Variants in ANKRD62 observed in about 807,000 individuals in gnomAD.
ANKRD62 encodes the protein ankyrin repeat domain 62, also known as ankyrin repeat domain-containing protein 62.
A neutral mutation model predicts 98.8 loss-of-function variants in ANKRD62; 61 were observed. The ratio of observed to expected loss-of-function variants is 0.62; its 90% CI spans 0.50 to 0.76. The LOEUF is 0.76. ANKRD62 is among the 30% of genes least tolerant of loss of function. The pLI, the probability that ANKRD62 is intolerant of heterozygous loss-of-function variation, is 0.00. For missense variants in ANKRD62, 933 were observed against 1,082.9 expected (o/e 0.86, Z 1.94); for synonymous variants, 341 against 367.9 (o/e 0.93, Z 0.84).
chr18:12,152,567 T>G, the ANKRD62 span, among the ~76,000 whole-genome samples: 3 of 152,204 alleles, frequency 2.0e-5, no homozygotes, highest in Non-Finnish European at 4.4e-5. Context: ...GAACTGATGT[T>G]GAAGGAACAT....
Position 12,095,161 on chromosome 18 carries a change from A to T in ANKRD62, c.219-10A>T. The stretch of plus-strand genomic sequence containing the variant: ...CTACAATTGCCTAAAGCGACCTCTC[A>T]TTCTCACAGGACTGCTCTACTTTTG... On this transcript the variant is annotated splice_polypyrimidine_tract_variant and intron_variant, in intron 1 of 13. Coordinates refer to ENST00000587848, the MANE Select transcript of ANKRD62 (RefSeq NM_001277333.2). The T allele has an allele frequency of 6.5e-7, 1 of 1,535,372 alleles. No individual in the cohort carries two copies.
At chr18:12,140,075 T>C in the ANKRD62 span, among the ~76,000 whole-genome samples, 1 of 150,350 alleles carries the variant, frequency 6.7e-6, no homozygotes, top group Non-Finnish European at 1.5e-5. Context: ...TAAACTTTTC[T>C]TCACGCTTCA....
intron 11 of ANKRD62, among the ~76,000 whole-genome samples, chr18:12,123,261 C>T (rs1909819950): frequency 6.6e-6 from 1 of 151,686 alleles, no homozygotes; most frequent in South Asian, 2.1e-4. Flanking sequence ...GCCATTTTGG[C>T]CAGACTGGTC....
chr18:12,180,938 T>TC, the ANKRD62 span, among the ~76,000 whole-genome samples: 1,573 of 107,202 alleles, frequency 0.015, 42 homozygotes, highest in African/African-American at 0.05. Context: ...ATGCTATCCC[T>TC]CCCCCCCCAC....
chr18:12,162,242 A>T, the ANKRD62 span, among the ~76,000 whole-genome samples: 2 of 152,064 alleles, frequency 1.3e-5, no homozygotes, highest in South Asian at 4.1e-4. Context: ...ATCTCACTGT[A>T]GTTTTGAATT....
intron 6 of ANKRD62, among the ~76,000 whole-genome samples, chr18:12,100,529 TA>T (rs1909278142): frequency 6.6e-6 from 1 of 151,980 alleles, no homozygotes; most frequent in South Asian, 2.1e-4. Flanking sequence ...TTGTGTCACT[TA>T]AAAAGTAACT....
chr18:12,176,135 T>C, the ANKRD62 span, among the ~76,000 whole-genome samples: 1 of 151,794 alleles, frequency 6.6e-6, no homozygotes, highest in Admixed American at 6.5e-5. Flanking sequence ...GAGGTTGCAG[T>C]GAGCTGAGAC....
intron 10 of ANKRD62, among the ~76,000 whole-genome samples, chr18:12,115,804 G>C (rs1909652151): frequency 6.6e-6 from 1 of 152,210 alleles, no homozygotes; most frequent in Non-Finnish European, 1.5e-5. Flanking sequence ...CCCAGGGTCA[G>C]GTTGTCATTA....
chr18:12,163,506 CTTTT>C, the ANKRD62 span, among the ~76,000 whole-genome samples: 7 of 152,000 alleles, frequency 4.6e-5, no homozygotes, highest in Non-Finnish European at 1.0e-4. Flanking sequence ...TTATTTCTTT[CTTTT>C]GTCTGATTGT....
At chr18:12,137,121 G>C in the ANKRD62 span, among the ~76,000 whole-genome samples, 37,289 of 151,976 alleles carry the variant, frequency 0.25, 4,781 homozygotes, top group Middle Eastern at 0.32. Context: ...TCCCTGTCTT[G>C]TGCCAGTTTT....
chr18:12,108,891 C>T (rs921598723), intron 8 of ANKRD62, among the ~76,000 whole-genome samples: 2 of 152,238 alleles, frequency 1.3e-5, no homozygotes, highest in African/African-American at 4.8e-5. Context: ...TCCTTTGACT[C>T]CATTTCTCAC....
chr18:12,140,361 T>C, the ANKRD62 span, among the ~76,000 whole-genome samples: 1 of 152,242 alleles, frequency 6.6e-6, no homozygotes, highest in South Asian at 2.1e-4. Context: ...AAAGTCAATC[T>C]GTGTCCAGCT....
intron 7 of ANKRD62, among the ~76,000 whole-genome samples, chr18:12,106,567 T>C (rs578156216): frequency 6.6e-6 from 1 of 152,312 alleles, no homozygotes; most frequent in South Asian, 2.1e-4. Flanking sequence ...GGGATTTAGA[T>C]GAATCATTTA....
At chr18:12,150,564 C>G in the ANKRD62 span, among the ~76,000 whole-genome samples, 7 of 152,246 alleles carry the variant, frequency 4.6e-5, no homozygotes, top group East Asian at 1.4e-3. Context: ...AAGGGCAGGT[C>G]ACCTACAAAG....
At chr18:12,094,791 G>GA (rs1909142269) in intron 1 of ANKRD62, among the ~76,000 whole-genome samples, 1 of 93,894 alleles carries the variant, frequency 1.1e-5, no homozygotes, top group African/African-American at 4.3e-5. Flanking sequence ...GTGGGGGTGG[G>GA]TGGGGTTGGG....
chr18:12,099,664 C>T lies in ANKRD62; in HGVS notation c.802C>T (p.Leu268Phe). 1 of 1,485,144 alleles carries T rather than the reference C, an allele frequency of 6.7e-7. No homozygotes were observed. Among genetic ancestry groups the T allele is most frequent in the South Asian group, 1.3e-5 (1 of 74,486 alleles). The allele number at this position is 1,485,144 out of a possible 1,614,324, so 92.0% of individuals were successfully genotyped here. A position where few individuals can be genotyped will look rare whatever the true frequency, so the allele number is the denominator to read the frequency against. ...TAAAGCAAACAAGAGATGTAAAAGT[C>T]TTCAAAATAGCAATTCAGGTATGAC... ...EYKANKRCKS[L>F]QNSNSEQDLE... The change falls in exon 6 of 14, where the codon CTT (leucine) becomes TTT (phenylalanine). Residue 268 changes from leucine to phenylalanine, a missense_variant. By Grantham distance (22) the Leu-to-Phe change is conservative. Coordinates refer to ENST00000587848, the MANE Select transcript of ANKRD62 (RefSeq NM_001277333.2).
chr18:12,097,168 T>G (rs1421675348), intron 4 of ANKRD62, among the ~76,000 whole-genome samples: 1 of 152,206 alleles, frequency 6.6e-6, no homozygotes, highest in Non-Finnish European at 1.5e-5. Flanking sequence ...TTTAATCCAG[T>G]GCCTCGCATA....
At chr18:12,135,613 G>A in the ANKRD62 span, among the ~76,000 whole-genome samples, 2 of 151,528 alleles carry the variant, frequency 1.3e-5, no homozygotes, top group Admixed American at 6.5e-5. Context: ...CTGAGGAATC[G>A]CCACACTGAC....
the ANKRD62 span, among the ~76,000 whole-genome samples, chr18:12,137,089 A>G: frequency 6.6e-6 from 1 of 152,144 alleles, no homozygotes; most frequent in South Asian, 2.1e-4. Context: ...ACTATGTTGA[A>G]TAGGAGTGGT....
Sources: gnomAD v4.1 joint callset for allele counts (sites outside exome capture counted in the v4.1 genomes callset) on GRCh38, gnomAD v4.1.1 for gene constraint, MANE v1.5 for transcripts, NCBI Gene and HGNC (gene_info 2026-07-23, HGNC 2026-07-21) for gene names.